The following ACAD9 variants were observed in gnomAD, a reference collection of about 807,000 sequenced individuals.
ACAD9 encodes the protein complex I assembly factor ACAD9, mitochondrial.
ACAD9 carries 53 observed loss-of-function variants against 70.2 expected under a neutral mutation model. The observed-to-expected ratio is 0.75, with a 90% confidence interval of 0.61 to 0.95. The LOEUF is 0.95. ACAD9 is among the 40% of genes least tolerant of loss of function. The pLI, the probability that ACAD9 is intolerant of heterozygous loss-of-function variation, is 0.00. For synonymous variants in ACAD9, 313 were observed against 312.1 expected (o/e 1.00, Z -0.03); for missense variants, 777 against 802.8 (o/e 0.97, Z 0.39).
Position 128,902,525 on chromosome 3 carries a change from C to T in ACAD9, c.883-28C>T, listed in dbSNP as rs761573263. 4.3e-6 allele frequency: 7 copies of T among 1,613,694 alleles called. No individual in the cohort carries two copies. Among genetic ancestry groups the T allele is most frequent in the South Asian group, 1.1e-5 (1 of 91,078 alleles). On this transcript the variant is annotated intron_variant, in intron 8 of 17. Transcript: ENST00000308982. The surrounding 1 kb of genome is among the most constrained non-coding windows in gnomAD (Gnocchi z 4.0). ...CTCCTCCCTCTGCCTCCTTCAGGGC[C>T]CCTGGGCTCTCCCTGTTCTCCCTGC...
At chr3:128,908,412 G>A (rs1230400771) in intron 13 of ACAD9, 148 bp downstream of exon 13, 2 of 942,552 alleles carry the variant, frequency 2.1e-6, no homozygotes, top group Non-Finnish European at 3.3e-6. Flanking sequence ...TTCCCCTGTG[G>A]TAGTGGGGGG....
At chr3:128,892,951 T>G (rs1935464162) in intron 2 of ACAD9, among the ~76,000 whole-genome samples, 1 of 152,144 alleles carries the variant, frequency 6.6e-6, no homozygotes, top group African/African-American at 2.4e-5. Flanking sequence ...TTACATCCCA[T>G]GAATGTATAT....
chr3:128,883,325 T>C (rs1182094466), intron 1 of ACAD9, among the ~76,000 whole-genome samples: 6 of 152,048 alleles, frequency 3.9e-5, no homozygotes, highest in Non-Finnish European at 8.8e-5. Context: ...TTACAGGCAG[T>C]AGCCACTGCA....
chr3:128,910,944 G>T (rs1936229641), intron 17 of ACAD9, 131 bp downstream of exon 17: 1 of 1,059,738 alleles, frequency 9.4e-7, no homozygotes, highest in East Asian at 2.4e-5. Flanking sequence ...TTGAGCGAGG[G>T]CCTGGGTAGG....
chr3:128,910,093 G>A lies in ACAD9; in HGVS notation c.1636G>A (p.Val546Met), dbSNP rs139352788. The A allele has an allele frequency of 1.5e-5, 25 of 1,613,840 alleles. No individual in the cohort carries two copies. Among genetic ancestry groups the A allele is most frequent in the Admixed American group, 1.7e-5 (1 of 60,002 alleles). ...CATCAACCTGTATGGCATGACGGCC[G>A]TGCTGTCGCGGGCCAGCCGCTCCAT... ...ILINLYGMTA[V>M]LSRASRSIRI... Residue 546 changes from valine to methionine, a missense_variant, in exon 16 of 18, where the codon GTG (valine) becomes ATG (methionine). Coordinates refer to ENST00000308982, the MANE Select transcript of ACAD9 (RefSeq NM_014049.5).
At chr3:128,908,372 G>C in intron 13 of ACAD9, 108 bp downstream of exon 13, 2 of 1,338,064 alleles carry the variant, frequency 1.5e-6, no homozygotes, top group South Asian at 2.3e-5. Context: ...TGGGGGCATG[G>C]GGGTGTGGCG....
Position 128,896,447 on chromosome 3 carries a change from G to A in ACAD9, c.465G>A (p.Leu155=). Residue 155 remains leucine (L), a synonymous_variant, in exon 5 of 18, where the codon TTG becomes TTA. Transcript: ENST00000308982. ...HQAIGLKGII[L]AGTEEQKAKY... is the part of the protein sequence containing the mutation. The stretch of plus-strand genomic sequence containing the variant: ...TCTGTTTTGTTTAGGGGATCATCTT[G>A]GCTGGCACTGAGGAGCAGAAAGCCA... 1 of 1,614,126 alleles carries A rather than the reference G, an allele frequency of 6.2e-7. No individual in the cohort carries two copies. Among genetic ancestry groups the A allele is most frequent in the South Asian group, 1.1e-5 (1 of 91,070 alleles).
intron 2 of ACAD9, among the ~76,000 whole-genome samples, chr3:128,885,643 T>C (rs981440669): frequency 6.6e-6 from 1 of 152,204 alleles, no homozygotes; most frequent in African/African-American, 2.4e-5. Flanking sequence ...TCCTCCCACC[T>C]TGGCCTCCCA....
intron 6 of ACAD9, among the ~76,000 whole-genome samples, 192 bp downstream of exon 6, chr3:128,897,902 C>T (rs1015947692): frequency 2.6e-5 from 4 of 152,148 alleles, no homozygotes; most frequent in Admixed American, 2.6e-4. Flanking sequence ...GTCACCCAGG[C>T]TGGAGTGCAG....
intron 1 of ACAD9, among the ~76,000 whole-genome samples, chr3:128,880,302 C>G (rs1465228545): frequency 6.6e-6 from 1 of 152,210 alleles, no homozygotes; most frequent in African/African-American, 2.4e-5. Context: ...CTCCAAGATG[C>G]TTCCCAAGGG....
rs1935032529 is a variant in ACAD9, at chr3:128,879,781, G to T, written c.90G>T (p.Leu30=). 8 of 1,613,766 alleles carry T rather than the reference G, an allele frequency of 5.0e-6. No homozygotes were observed. The highest frequency in any genetic ancestry group is 6.8e-6 in the Non-Finnish European group (8 of 1,180,022). Residue 30 remains leucine (L), a synonymous_variant, in exon 1 of 18, where the codon CTG becomes CTT. Transcript: ENST00000308982. ...LVVSTANRRL[L]RTSPPVRAFA... is the part of the protein sequence containing the mutation. ...TCTCTACCGCGAACCGGCGGCTACTGCGCACCAGCCCGCCTGTACGAGCTT... is the reference window on the plus strand; with the variant it reads ...TCTCTACCGCGAACCGGCGGCTACTTCGCACCAGCCCGCCTGTACGAGCTT...
chr3:128,887,380 C>T (rs756195468), intron 2 of ACAD9, among the ~76,000 whole-genome samples: 2 of 151,946 alleles, frequency 1.3e-5, no homozygotes, highest in African/African-American at 4.8e-5. Context: ...CTGAGGGGGG[C>T]AGATTGCTTG....
chr3:128,901,173 T>C (rs1221120708), intron 7 of ACAD9, 103 bp from the exon 8 acceptor site: 3 of 968,348 alleles, frequency 3.1e-6, no homozygotes, highest in Non-Finnish European at 3.2e-6. Flanking sequence ...TACCAAACAT[T>C]GGATGGATGG....
At position 128,897,632 on chromosome 3, in the gene ACAD9, T is replaced by G. The variant is rs781738719; in HGVS notation, c.555T>G (p.Ser185Arg). The G allele has an allele frequency of 5.3e-5, 86 of 1,613,004 alleles. No individual in the cohort carries two copies. Among genetic ancestry groups the G allele is most frequent in the Middle Eastern group, 1.6e-4 (1 of 6,084 alleles). Residue 185 changes from serine to arginine, a missense_variant and splice_region_variant, in exon 6 of 18, where the codon AGT becomes AGG. Ser to Arg is a moderately radical substitution (Grantham distance 110). Coordinates refer to ENST00000308982, the MANE Select transcript of ACAD9 (RefSeq NM_014049.5). ...IAAFCLTEPA[S>R]GSDAASIRSR... ...TGACCACATCTTTCTGCATCTGCAG[T>G]GGGAGCGATGCAGCCTCAATCCGGA...
chr3:128,882,680 A>C (rs539462623), intron 1 of ACAD9, among the ~76,000 whole-genome samples: 9 of 152,298 alleles, frequency 5.9e-5, no homozygotes, highest in African/African-American at 2.2e-4. Context: ...TGTTTTCCCT[A>C]TCAGCAGTCT....
chr3:128,899,953 A>T (rs1469381751), intron 7 of ACAD9, among the ~76,000 whole-genome samples: 1 of 152,176 alleles, frequency 6.6e-6, no homozygotes, highest in Non-Finnish European at 1.5e-5. Flanking sequence ...GCCGTGGGAG[A>T]CATAGTCTCC....
intron 2 of ACAD9, among the ~76,000 whole-genome samples, chr3:128,885,061 C>T (rs906061632): frequency 6.6e-6 from 1 of 152,238 alleles, no homozygotes; most frequent in Non-Finnish European, 1.5e-5. Context: ...ACACACCATA[C>T]AAGCCCATGG....
chr3:128,909,587 G>A, intron 15 of ACAD9, 166 bp downstream of exon 15: 1 of 737,384 alleles, frequency 1.4e-6, no homozygotes, highest in Non-Finnish European at 2.3e-6. Flanking sequence ...TCAGCCTGGG[G>A]CCCACTTAGC....
intron 13 of ACAD9, 89 bp from the exon 14 acceptor site, chr3:128,908,884 G>A (rs756388298): frequency 3.1e-4 from 494 of 1,604,128 alleles, no homozygotes; most frequent in Non-Finnish European, 3.5e-4. Flanking sequence ...AGGGGGGCAC[G>A]GAGCTTCTGG....
Sources: allele counts gnomAD v4.1 joint callset (sites outside exome capture counted in the v4.1 genomes callset), GRCh38; gene constraint gnomAD v4.1.1; non-coding constraint Gnocchi (gnomAD v3.1); transcripts MANE v1.5; gene names NCBI Gene and HGNC (gene_info 2026-07-23, HGNC 2026-07-21).